Variants in ZDHHC7 observed in about 807,000 individuals in gnomAD.
ZDHHC7 encodes zDHHC palmitoyltransferase 7.
Under a neutral mutation model 34.1 loss-of-function variants are expected in ZDHHC7, and 12 were observed. The ratio of observed to expected loss-of-function variants is 0.35; its 90% CI spans 0.23 to 0.57. ZDHHC7 has a LOEUF of 0.57. Ranked by LOEUF, ZDHHC7 falls within the 20% of genes least tolerant of loss-of-function variation. The pLI, the probability that ZDHHC7 is intolerant of heterozygous loss-of-function variation, is 0.84. For missense variants in ZDHHC7, 388 were observed against 402.7 expected (o/e 0.96, Z 0.31); for synonymous variants, 185 against 155.4 (o/e 1.19, Z -1.42).
intron 2 of ZDHHC7, among the ~76,000 whole-genome samples, chr16:84,993,881 C>G (rs924120227): frequency 1.3e-5 from 2 of 152,168 alleles, no homozygotes; most frequent in Non-Finnish European, 2.9e-5. Context: ...CTCTTCTAGG[C>G]AAGCCAACCT....
At chr16:85,009,081 T>C (rs2072755599) in intron 1 of ZDHHC7, among the ~76,000 whole-genome samples, 1 of 151,892 alleles carries the variant, frequency 6.6e-6, no homozygotes, top group South Asian at 2.1e-4. Context: ...AGTTAAAATA[T>C]TACAGAAACA....
intron 1 of ZDHHC7, among the ~76,000 whole-genome samples, chr16:84,997,427 C>G (rs193031584): frequency 1.4e-3 from 207 of 151,202 alleles, no homozygotes; most frequent in Non-Finnish European, 2.7e-3. Context: ...CACCACCACA[C>G]CCAGCTAATT....
At chr16:84,990,197 C>A in intron 3 of ZDHHC7, 107 bp downstream of exon 3, 1 of 1,310,732 alleles carries the variant, frequency 7.6e-7, no homozygotes, top group South Asian at 1.4e-5. Flanking sequence ...TTGTTCCACA[C>A]CCATGTCAAT....
the ZDHHC7 span, among the ~76,000 whole-genome samples, chr16:85,016,789 G>C: frequency 6.6e-6 from 1 of 151,596 alleles, no homozygotes; most frequent in East Asian, 2.0e-4. Context: ...GATGCCAGCA[G>C]TGGACAAAAA....
chr16:85,011,716 G>T (rs1191296856), upstream of ZDHHC7, among the ~76,000 whole-genome samples: 2 of 152,222 alleles, frequency 1.3e-5, no homozygotes, highest in Non-Finnish European at 2.9e-5. Flanking sequence ...CCAAACTGAA[G>T]TCCGGAGGAG....
intron 1 of ZDHHC7, among the ~76,000 whole-genome samples, chr16:84,996,399 G>T (rs1333406899): frequency 6.6e-6 from 1 of 152,118 alleles, no homozygotes; most frequent in African/African-American, 2.4e-5. Flanking sequence ...CAGAGCACTT[G>T]AGGCAGGAGG....
At chr16:85,002,931 G>T (rs2072671942) in intron 1 of ZDHHC7, among the ~76,000 whole-genome samples, 1 of 152,000 alleles carries the variant, frequency 6.6e-6, no homozygotes, top group South Asian at 2.1e-4. Flanking sequence ...GGCCAAGAGG[G>T]GCCTGAACTG....
chr16:84,984,942 G>A (rs2072417823), intron 3 of ZDHHC7, among the ~76,000 whole-genome samples: 1 of 152,186 alleles, frequency 6.6e-6, no homozygotes, highest in Admixed American at 6.5e-5. Context: ...GCAGGGGCTG[G>A]AGCACCGTTT....
At chr16:85,009,701 C>CT (rs200213740) in intron 1 of ZDHHC7, among the ~76,000 whole-genome samples, 13,338 of 130,238 alleles carry the variant, frequency 0.1, 843 homozygotes, top group African/African-American at 0.14. Context: ...CAAGTTCTGA[C>CT]TTTTTTTCTT....
chr16:85,024,927 G>T, the ZDHHC7 span, among the ~76,000 whole-genome samples: 1 of 152,064 alleles, frequency 6.6e-6, no homozygotes, highest in Non-Finnish European at 1.5e-5. Context: ...TTCCATGGGG[G>T]CTGCTAAGCT....
intron 4 of ZDHHC7, 112 bp from the exon 5 acceptor site, chr16:84,979,397 A>T (rs2072337746): frequency 2.2e-6 from 3 of 1,368,744 alleles, no homozygotes; most frequent in Non-Finnish European, 2.9e-6. Context: ...CTAATACAAC[A>T]TGTCAAAAAA....
chr16:84,977,754 C>G (rs1441290202), intron 6 of ZDHHC7, among the ~76,000 whole-genome samples, 170 bp downstream of exon 6: 2 of 152,230 alleles, frequency 1.3e-5, no homozygotes, highest in Non-Finnish European at 1.5e-5. Flanking sequence ...CAACAATATA[C>G]TAGTAAAATG....
At chr16:84,988,736 T>G (rs2072469615) in intron 3 of ZDHHC7, 1 of 1,545,930 alleles carries the variant, frequency 6.5e-7, no homozygotes, top group African/African-American at 1.4e-5. Flanking sequence ...AGGCTGACCC[T>G]CCCCCATGTG....
In ZDHHC7 at chr16:85,005,807, A is replaced by C. The variant is rs191137020; in HGVS notation, c.-104+5479T>G. Among the ~76,000 whole-genome samples, 10 of 152,328 alleles carry C rather than the reference A, an allele frequency of 6.6e-5. No individual in the cohort carries two copies. In the East Asian group the frequency reaches 1.7e-3, roughly 26 times the overall value. On this transcript the variant is annotated intron_variant, in intron 1 of 7. Transcript: ENST00000313732. ...CGGTGAACCAAACCACCAGCTTAAC[A>C]TAGAGCTAGCGTCTTTTTCCAAATC... is the stretch of plus-strand genomic sequence containing the variant.
intron 3 of ZDHHC7, chr16:84,988,641 AG>A: frequency 1.2e-6 from 1 of 820,858 alleles, no homozygotes; most frequent in Non-Finnish European, 2.0e-6. Context: ...TGGACTGCTG[AG>A]TAGCTGTAGA....
In ZDHHC7 at chr16:84,996,557, G is replaced by A. The variant is rs1366292200; in HGVS notation, c.-103-550C>T. Among the ~76,000 whole-genome samples the A allele has an allele frequency of 3.9e-5, 6 of 152,064 alleles. No individual in the cohort carries two copies. The East Asian group carries it at 5.8e-4, about 15-fold the overall frequency. ...CCGAACCCTGACAGATGGGAGGGTC[G>A]AGGAATCCTCTCTGGCACTAACATG... On this transcript the variant is annotated intron_variant, in intron 1 of 7. Coordinates refer to ENST00000313732, the MANE Select transcript of ZDHHC7 (RefSeq NM_017740.3).
chr16:84,999,389 T>C (rs2072624843), intron 1 of ZDHHC7, among the ~76,000 whole-genome samples: 1 of 152,134 alleles, frequency 6.6e-6, no homozygotes, highest in Non-Finnish European at 1.5e-5. Flanking sequence ...AAAATAAATA[T>C]AAATATGAAC....
At chr16:85,018,380 T>C in the ZDHHC7 span, among the ~76,000 whole-genome samples, 2 of 151,778 alleles carry the variant, frequency 1.3e-5, no homozygotes, top group African/African-American at 4.8e-5. Flanking sequence ...TTCAATCTCT[T>C]GGTCTGGCTG....
chr16:85,021,211 A>T, the ZDHHC7 span, among the ~76,000 whole-genome samples: 1 of 151,936 alleles, frequency 6.6e-6, no homozygotes, highest in Non-Finnish European at 1.5e-5. Flanking sequence ...CAAGAGATGG[A>T]GACCATCCTG....
Sources: gnomAD v4.1 joint callset for allele counts (sites outside exome capture counted in the v4.1 genomes callset) on GRCh38, gnomAD v4.1.1 for gene constraint, MANE v1.5 for transcripts, NCBI Gene and HGNC (gene_info 2026-07-23, HGNC 2026-07-21) for gene names.